Variants in LMNB1 observed in about 807,000 individuals in gnomAD.
LMNB1 encodes lamin-B1.
In LMNB1, 23 loss-of-function variants were observed where a neutral mutation model predicts 67.1. That is an observed-to-expected ratio of 0.34 (90% CI 0.25 to 0.49). The LOEUF is 0.49. Ranked by LOEUF, LMNB1 falls within the 20% of genes least tolerant of loss-of-function variation. The pLI, the probability that LMNB1 is intolerant of heterozygous loss-of-function variation, is 0.99. For synonymous variants in LMNB1, 281 were observed against 282.9 expected, an observed-to-expected ratio of 0.99 and a Z score of 0.07; for missense variants, 634 against 746.5, an observed-to-expected ratio of 0.85 and a Z score of 1.76.
chr5:126,800,315 A>G (rs1467963045), intron 1 of LMNB1, among the ~76,000 whole-genome samples: 9 of 152,166 alleles, frequency 5.9e-5, no homozygotes, highest in Non-Finnish European at 1.3e-4. Context: ...CCAGAAAGGT[A>G]CATGATTTTT....
chr5:126,820,879 A>AAAAATGAATTGTTT (rs1269629270), intron 6 of LMNB1, 31 bp from the exon 7 acceptor site: 1 of 1,541,112 alleles, frequency 6.5e-7, no homozygotes, highest in Admixed American at 1.7e-5. Context: ...TATGTGTTTT[A>AAAAATGAATTGTTT]AAAATGAATT....
At chr5:126,815,013 G>T (rs1275634911) in intron 5 of LMNB1, among the ~76,000 whole-genome samples, 1 of 152,150 alleles carries the variant, frequency 6.6e-6, no homozygotes, top group African/African-American at 2.4e-5. Flanking sequence ...TTTCTCTGGG[G>T]TGAATCTTTC....
At chr5:126,792,545 C>G (rs1464497787) in intron 1 of LMNB1, among the ~76,000 whole-genome samples, 1 of 149,432 alleles carries the variant, frequency 6.7e-6, no homozygotes, top group African/African-American at 2.5e-5. Context: ...TCACTCAGTG[C>G]AGGGAACAGA....
intron 5 of LMNB1, among the ~76,000 whole-genome samples, chr5:126,812,239 CT>C (rs1388539701): frequency 6.6e-6 from 1 of 152,202 alleles, no homozygotes; most frequent in Non-Finnish European, 1.5e-5. Context: ...TTCTCAACAC[CT>C]TCCTTTTTTA....
At chr5:126,803,783 T>G (rs1427333074) in intron 1 of LMNB1, among the ~76,000 whole-genome samples, 1 of 151,902 alleles carries the variant, frequency 6.6e-6, no homozygotes, top group East Asian at 1.9e-4. Flanking sequence ...ACTCCTGACC[T>G]CAAGTGATCC....
chr5:126,819,660 T>C (rs1428665787), intron 6 of LMNB1, among the ~76,000 whole-genome samples: 3 of 151,798 alleles, frequency 2.0e-5, no homozygotes, highest in Admixed American at 2.0e-4. Flanking sequence ...CCGGCTAATT[T>C]TGTTTTTAGT....
At chr5:126,812,460 T>A (rs1345353143) in intron 5 of LMNB1, among the ~76,000 whole-genome samples, 1 of 152,226 alleles carries the variant, frequency 6.6e-6, no homozygotes, top group African/African-American at 2.4e-5. Flanking sequence ...TTGCCGGCTG[T>A]GTTGACTGGC....
intron 1 of LMNB1, among the ~76,000 whole-genome samples, chr5:126,786,272 G>A (rs1267231269): frequency 4.6e-5 from 7 of 151,674 alleles, no homozygotes; most frequent in African/African-American, 7.3e-5. Context: ...ACAGGTGCCC[G>A]CCACTACGCC....
intron 1 of LMNB1, among the ~76,000 whole-genome samples, chr5:126,788,690 G>T (rs969921079): frequency 1.3e-5 from 2 of 152,048 alleles, no homozygotes; most frequent in Non-Finnish European, 2.9e-5. Context: ...TGGAACAAGG[G>T]TTTTTTGTTT....
chr5:126,792,225 C>T lies in LMNB1; in HGVS notation c.360-12551C>T, dbSNP rs1426136235. On this transcript the variant is annotated intron_variant, in intron 1 of 10. Coordinates refer to ENST00000261366, the MANE Select transcript of LMNB1 (RefSeq NM_005573.4). ...CGGCATGATCCCAGCTCACTGCAAC[C>T]TCCGCCTCCTGTGTTTAAGTGATTC... Among the ~76,000 whole-genome samples, 5 of 151,136 alleles carry T rather than the reference C, an allele frequency of 3.3e-5. No homozygotes were observed. In the East Asian group the frequency reaches 5.8e-4, roughly 18 times the overall value.
Position 126,810,211 on chromosome 5 carries a change from C to T in LMNB1, c.674C>T (p.Thr225Met), listed in dbSNP as rs755516206. 16 of 1,612,556 alleles carry T rather than the reference C, an allele frequency of 9.9e-6. No homozygotes were observed. The highest frequency in any genetic ancestry group is 2.2e-5 in the East Asian group (1 of 44,858). ...AACGAGACCAGAAGGAAGCATGAAA[C>T]GCGCTTGGTAGAGGTGGATTCTGGG... ...EINETRRKHE[T>M]RLVEVDSGRQ... Residue 225 changes from threonine (T) to methionine (M), a missense_variant, in exon 4 of 11, where the codon ACG becomes ATG. Physicochemically the swap from Thr to Met is moderately conservative, Grantham distance 81. Coordinates refer to ENST00000261366, the MANE Select transcript of LMNB1 (RefSeq NM_005573.4).
intron 9 of LMNB1, among the ~76,000 whole-genome samples, chr5:126,830,124 A>G (rs1169695219): frequency 1.3e-5 from 2 of 152,196 alleles, no homozygotes; most frequent in Admixed American, 1.3e-4. Flanking sequence ...AGCATTTGCT[A>G]ATTTCTGTGG....
At chr5:126,786,141 G>A (rs1233957786) in intron 1 of LMNB1, among the ~76,000 whole-genome samples, 1 of 121,050 alleles carries the variant, frequency 8.3e-6, no homozygotes, top group Non-Finnish European at 1.7e-5. Context: ...TTGATGCAGA[G>A]TCTGGCTCTG....
intron 5 of LMNB1, among the ~76,000 whole-genome samples, chr5:126,818,501 C>CA (rs1751781486): frequency 6.6e-6 from 1 of 152,164 alleles, no homozygotes; most frequent in Admixed American, 6.5e-5. Flanking sequence ...CCCGGCCTCC[C>CA]AAAGTGTTGG....
intron 1 of LMNB1, among the ~76,000 whole-genome samples, chr5:126,778,700 C>T (rs1750547783): frequency 6.6e-6 from 1 of 152,160 alleles, no homozygotes; most frequent in Non-Finnish European, 1.5e-5. Flanking sequence ...ACCCCTCAGG[C>T]AGCGGCCCTC....
At chr5:126,792,567 ATT>A (rs752371260) in intron 1 of LMNB1, among the ~76,000 whole-genome samples, 6,969 of 98,344 alleles carry the variant, frequency 0.071, 146 homozygotes, top group Non-Finnish European at 0.098. Context: ...AGCACTAGGG[ATT>A]TTTTTTTTTT....
chr5:126,826,129 C>T (rs963166900), intron 9 of LMNB1, 22 bp downstream of exon 9: 2 of 1,596,328 alleles, frequency 1.3e-6, no homozygotes, highest in Admixed American at 1.7e-5. Flanking sequence ...TTATCAGGAC[C>T]ACCACAATGT....
intron 9 of LMNB1, among the ~76,000 whole-genome samples, chr5:126,829,353 A>C (rs1752075645): frequency 6.6e-6 from 1 of 151,876 alleles, no homozygotes; most frequent in South Asian, 2.1e-4. Flanking sequence ...TCCCAGAGGT[A>C]CGTCTTTTCT....
intron 1 of LMNB1, among the ~76,000 whole-genome samples, chr5:126,800,975 A>AATT (rs1561742516): frequency 2.6e-5 from 1 of 38,506 alleles, no homozygotes; most frequent in Non-Finnish European, 6.0e-5. Context: ...ATATATATAT[A>AATT]TATATAATTT....
Sources: allele counts gnomAD v4.1 joint callset (sites outside exome capture counted in the v4.1 genomes callset), GRCh38; gene constraint gnomAD v4.1.1; transcripts MANE v1.5; gene names NCBI Gene and HGNC (gene_info 2026-07-23, HGNC 2026-07-21).